Variants in NR6A1 observed in about 807,000 individuals in gnomAD.
NR6A1 encodes the protein retinoic acid receptor-related testis-associated receptor.
NR6A1 carries 7 observed loss-of-function variants against 59.1 expected under a neutral mutation model. That is an observed-to-expected ratio of 0.12 (90% confidence interval 0.07 to 0.22). The LOEUF (loss-of-function observed/expected upper bound fraction) is 0.22. NR6A1 is among the 10% of genes least tolerant of loss of function. The pLI is 1.00. For missense variants in NR6A1, 468 were observed against 611.6 expected, an observed-to-expected ratio of 0.77 and a Z score of 2.48; for synonymous variants, 243 against 236.1, an observed-to-expected ratio of 1.03 and a Z score of -0.27.
intron 1 of NR6A1, among the ~76,000 whole-genome samples, chr9:124,749,988 T>C (rs1840449469): frequency 1.3e-5 from 2 of 152,212 alleles, no homozygotes; most frequent in Admixed American, 6.5e-5. Flanking sequence ...TGAATATGCC[T>C]CACATTCCTG....
chr9:124,588,006 T>C (rs1228373927), intron 2 of NR6A1, among the ~76,000 whole-genome samples: 1 of 152,164 alleles, frequency 6.6e-6, no homozygotes, highest in Non-Finnish European at 1.5e-5. Flanking sequence ...TCAACACTTT[T>C]ACAAAACTAG....
At chr9:124,709,637 AAAC>A (rs1839219126) in intron 2 of NR6A1, among the ~76,000 whole-genome samples, 1 of 152,110 alleles carries the variant, frequency 6.6e-6, no homozygotes, top group Non-Finnish European at 1.5e-5. Flanking sequence ...CCCCAAGAGA[AAAC>A]AAATACTTTT....
rs373663215 is a variant in NR6A1 at position 124,560,078 on chromosome 9, A to G, written c.143-5508T>C. ...AATCTTGGTTACACAACCAATCAGG[A>G]GTGGAGCTGGAATTGCAATTCAAGA... On this transcript the variant is annotated intron_variant, in intron 2 of 9. Coordinates refer to ENST00000487099, the MANE Select transcript of NR6A1 (RefSeq NM_033334.4). Among the ~76,000 whole-genome samples, 9 of 152,312 alleles carry G rather than the reference A, an allele frequency of 5.9e-5. No homozygotes were observed. The East Asian group carries it at 7.7e-4, about 13-fold the overall frequency.
At chr9:124,647,872 T>C (rs1033749247) in intron 2 of NR6A1, among the ~76,000 whole-genome samples, 1 of 152,040 alleles carries the variant, frequency 6.6e-6, no homozygotes, top group African/African-American at 2.4e-5. Context: ...GCTGCTGAAT[T>C]ATATGAAACA....
At chr9:124,737,976 C>A (rs949054137) in intron 1 of NR6A1, among the ~76,000 whole-genome samples, 3 of 152,134 alleles carry the variant, frequency 2.0e-5, no homozygotes, top group Non-Finnish European at 4.4e-5. Flanking sequence ...AAAAATTAGG[C>A]GGGGCGTGGT....
intron 1 of NR6A1, among the ~76,000 whole-genome samples, chr9:124,749,194 G>A (rs538996571): frequency 7.9e-5 from 12 of 151,792 alleles, no homozygotes; most frequent in African/African-American, 2.4e-4. Context: ...CCCGAGAGGC[G>A]GAGGTTGCAG....
At chr9:124,584,202 C>T (rs1343994260) in intron 2 of NR6A1, among the ~76,000 whole-genome samples, 1 of 151,494 alleles carries the variant, frequency 6.6e-6, no homozygotes, top group Non-Finnish European at 1.5e-5. Flanking sequence ...CCACCTCCCA[C>T]GTTCAAGCGA....
intron 2 of NR6A1, among the ~76,000 whole-genome samples, chr9:124,689,125 G>A (rs1213748425): frequency 6.6e-6 from 1 of 152,090 alleles, no homozygotes; most frequent in African/African-American, 2.4e-5. Flanking sequence ...AGCATATATG[G>A]CCTGGAAGCC....
chr9:124,713,746 T>C (rs1349035328), intron 2 of NR6A1, among the ~76,000 whole-genome samples: 1 of 152,206 alleles, frequency 6.6e-6, no homozygotes, highest in Admixed American at 6.5e-5. Context: ...AAATAAGTGT[T>C]GGTGAGGATG....
At chr9:124,580,285 T>C (rs1353864455) in intron 2 of NR6A1, among the ~76,000 whole-genome samples, 1 of 152,110 alleles carries the variant, frequency 6.6e-6, no homozygotes, top group Non-Finnish European at 1.5e-5. Context: ...TTTCAAAAGA[T>C]TACATACTCT....
At chr9:124,686,891 T>C (rs1293165080) in intron 2 of NR6A1, among the ~76,000 whole-genome samples, 1 of 151,978 alleles carries the variant, frequency 6.6e-6, no homozygotes, top group Non-Finnish European at 1.5e-5. Flanking sequence ...TTTGTAGAGA[T>C]GGGGTTCTTG....
chr9:124,520,291 T>C lies in NR6A1; in HGVS notation c.*2414A>G, dbSNP rs537888422. 2.6e-5 allele frequency: 4 copies of C among 152,286 alleles called. No homozygotes were observed. The highest frequency in any genetic ancestry group is 2.6e-4 in the Admixed American group (4 of 15,302). 9.4% of individuals were successfully genotyped at this position (152,286 alleles called of 1,614,324 possible). A position where few individuals can be genotyped will look rare whatever the true frequency, so the allele number is the denominator to read the frequency against. On this transcript the variant is annotated 3_prime_UTR_variant, in exon 10 of 10. Transcript: ENST00000487099. The stretch of plus-strand genomic sequence containing the variant: ...CTGGTGCAGAAGACATTAAAGACGG[T>C]CCACAGGTCAGGCTCCGGCTCGGAA...
At chr9:124,551,043 C>G (rs138190470) in intron 3 of NR6A1, among the ~76,000 whole-genome samples, 1 of 152,098 alleles carries the variant, frequency 6.6e-6, no homozygotes, top group Non-Finnish European at 1.5e-5. Context: ...GATATGCTTC[C>G]TTTCTTTTTT....
chr9:124,656,753 A>G (rs1264988526), intron 2 of NR6A1, among the ~76,000 whole-genome samples: 1 of 152,076 alleles, frequency 6.6e-6, no homozygotes, highest in Non-Finnish European at 1.5e-5. Flanking sequence ...AATTGCTTGA[A>G]CCCAGGAGGC....
At chr9:124,678,771 T>C (rs1167746140) in intron 2 of NR6A1, among the ~76,000 whole-genome samples, 1 of 152,206 alleles carries the variant, frequency 6.6e-6, no homozygotes, top group Non-Finnish European at 1.5e-5. Context: ...GATATTTGGA[T>C]AAATTCTTTT....
chr9:124,605,937 G>C (rs75793090), intron 2 of NR6A1, among the ~76,000 whole-genome samples: 1 of 152,094 alleles, frequency 6.6e-6, no homozygotes, highest in East Asian at 1.9e-4. Flanking sequence ...TTATGGGTAT[G>C]TCTTGCTTGC....
intron 2 of NR6A1, among the ~76,000 whole-genome samples, chr9:124,655,942 T>A (rs1837244750): frequency 6.6e-6 from 1 of 152,306 alleles, no homozygotes; most frequent in Admixed American, 6.5e-5. Flanking sequence ...ACAGTTTGGA[T>A]GTAATTTGTT....
intron 2 of NR6A1, among the ~76,000 whole-genome samples, chr9:124,630,919 T>C (rs928252026): frequency 2.6e-5 from 4 of 152,100 alleles, no homozygotes; most frequent in Middle Eastern, 3.4e-3. Context: ...GTGATCCACC[T>C]GCCTTGGCCT....
chr9:124,698,289 GA>G (rs1409197240), intron 2 of NR6A1: 1 of 151,778 alleles, frequency 6.6e-6, no homozygotes, highest in East Asian at 1.9e-4. Flanking sequence ...TAAAAAAAAA[GA>G]AAAAGGAAAA....
Sources: gnomAD v4.1 joint callset for allele counts (sites outside exome capture counted in the v4.1 genomes callset) on GRCh38, gnomAD v4.1.1 for gene constraint, MANE v1.5 for transcripts, NCBI Gene and HGNC (gene_info 2026-07-23, HGNC 2026-07-21) for gene names.